Variants in EPHA6 observed in about 807,000 individuals in gnomAD.
EPHA6 encodes ephrin type-A receptor 6.
EPHA6 carries 50 observed loss-of-function variants against 112.0 expected under a neutral mutation model. That is an observed-to-expected ratio of 0.45 (90% confidence interval 0.36 to 0.56). The LOEUF (loss-of-function observed/expected upper bound fraction) is 0.56. EPHA6 is among the 20% of genes least tolerant of loss of function. EPHA6 has a pLI of 0.00. For missense variants in EPHA6, 1,280 were observed against 1,417.4 expected, an observed-to-expected ratio of 0.90 and a Z score of 1.56; for synonymous variants, 529 against 490.7, an observed-to-expected ratio of 1.08 and a Z score of -1.03.
chr3:97,491,458 CG>C (rs997034228), intron 10 of EPHA6, among the ~76,000 whole-genome samples: 1 of 151,986 alleles, frequency 6.6e-6, no homozygotes, highest in Non-Finnish European at 1.5e-5. Flanking sequence ...CAGGTACAGT[CG>C]GGGGGTCAGA....
At chr3:97,516,526 T>C (rs1272718709) in intron 10 of EPHA6, among the ~76,000 whole-genome samples, 5 of 152,190 alleles carry the variant, frequency 3.3e-5, no homozygotes, top group African/African-American at 4.8e-5. Context: ...CATTTCATCC[T>C]TGAATGACAA....
chr3:96,974,040 A>G (rs918837193), intron 2 of EPHA6, among the ~76,000 whole-genome samples: 1 of 145,754 alleles, frequency 6.9e-6, no homozygotes, highest in African/African-American at 2.5e-5. Context: ...TTATTAATAC[A>G]ATAAATATAT....
intron 10 of EPHA6, among the ~76,000 whole-genome samples, chr3:97,526,490 G>T (rs1038468627): frequency 6.8e-6 from 1 of 147,594 alleles, no homozygotes; most frequent in Non-Finnish European, 1.5e-5. Flanking sequence ...CAGTGGGGGG[G>T]TGAGAACCCC....
intron 2 of EPHA6, among the ~76,000 whole-genome samples, chr3:96,940,374 A>G (rs544738499): frequency 6.6e-6 from 1 of 152,092 alleles, no homozygotes; most frequent in East Asian, 1.9e-4. Flanking sequence ...GTCTCTTTTT[A>G]TCTTTGTTAG....
chr3:96,955,593 A>T (rs941449729), intron 2 of EPHA6, among the ~76,000 whole-genome samples: 25 of 152,190 alleles, frequency 1.6e-4, no homozygotes, highest in African/African-American at 5.5e-4. Flanking sequence ...ATGGCAAAAA[A>T]TATGTTATAA....
At chr3:97,645,411 A>C (rs1303611660) in intron 14 of EPHA6, among the ~76,000 whole-genome samples, 10 of 145,078 alleles carry the variant, frequency 6.9e-5, no homozygotes, top group African/African-American at 2.6e-4. Flanking sequence ...AAACTATCAC[A>C]AGAACAAAAA....
At chr3:97,445,428 A>AT (rs1476988645) in intron 6 of EPHA6, among the ~76,000 whole-genome samples, 2 of 152,182 alleles carry the variant, frequency 1.3e-5, no homozygotes, top group Non-Finnish European at 2.9e-5. Flanking sequence ...TGTGCAAGTA[A>AT]TAGTTCTTGG....
intron 5 of EPHA6, among the ~76,000 whole-genome samples, chr3:97,402,013 A>T (rs1409938846): frequency 6.6e-6 from 1 of 151,998 alleles, no homozygotes; most frequent in Admixed American, 6.6e-5. Context: ...TTGTGATCGG[A>T]AAAGACACTT....
At chr3:97,681,685 A>G (rs555013424) in intron 14 of EPHA6, among the ~76,000 whole-genome samples, 9 of 152,254 alleles carry the variant, frequency 5.9e-5, no homozygotes, top group African/African-American at 1.9e-4. Context: ...TGACTTAGAA[A>G]GGCTCTTTAA....
intron 6 of EPHA6, among the ~76,000 whole-genome samples, chr3:97,419,075 C>A (rs1204871590): frequency 6.6e-6 from 1 of 151,642 alleles, no homozygotes; most frequent in Admixed American, 6.6e-5. Flanking sequence ...CAAGCCAAGG[C>A]GGGCGAATCA....
At chr3:97,325,399 C>A (rs2082370025) in intron 5 of EPHA6, among the ~76,000 whole-genome samples, 1 of 152,006 alleles carries the variant, frequency 6.6e-6, no homozygotes. Flanking sequence ...TCCCTGGAGT[C>A]ACTCTGTATG....
chr3:97,211,699 G>T (rs937241314), intron 3 of EPHA6, among the ~76,000 whole-genome samples: 2 of 152,048 alleles, frequency 1.3e-5, no homozygotes, highest in African/African-American at 2.4e-5. Context: ...GGGATTTCAG[G>T]CTTCAACATC....
intron 6 of EPHA6, among the ~76,000 whole-genome samples, chr3:97,440,827 T>C (rs2090098133): frequency 6.6e-6 from 1 of 151,634 alleles, no homozygotes; most frequent in African/African-American, 2.4e-5. Context: ...ATAAACAAGC[T>C]TACCTAAAAA....
At chr3:97,677,604 C>T (rs2031503905) in intron 14 of EPHA6, among the ~76,000 whole-genome samples, 2 of 151,676 alleles carry the variant, frequency 1.3e-5, no homozygotes, top group African/African-American at 2.4e-5. Context: ...GCCTGTAATC[C>T]CAGCTATTTG....
intron 5 of EPHA6, among the ~76,000 whole-genome samples, chr3:97,317,919 A>C (rs2081923706): frequency 6.6e-6 from 1 of 151,998 alleles, no homozygotes; most frequent in Admixed American, 6.6e-5. Flanking sequence ...AAAGGGGACT[A>C]GAGGATTACA....
chr3:96,829,025 GA>G (rs1316213691), intron 1 of EPHA6, among the ~76,000 whole-genome samples: 7 of 152,184 alleles, frequency 4.6e-5, no homozygotes, highest in African/African-American at 1.7e-4. Flanking sequence ...CTAAGTTCCA[GA>G]CTCATATTTA....
intron 5 of EPHA6, among the ~76,000 whole-genome samples, chr3:97,316,613 G>A (rs527589628): frequency 1.1e-4 from 17 of 151,934 alleles, no homozygotes; most frequent in Non-Finnish European, 2.1e-4. Flanking sequence ...GAATGACCTA[G>A]CAAATTTATG....
chr3:97,541,412 T>C (rs1320876309), intron 11 of EPHA6, among the ~76,000 whole-genome samples: 2 of 152,216 alleles, frequency 1.3e-5, no homozygotes, highest in Non-Finnish European at 2.9e-5. Context: ...AGTATGGTAG[T>C]ATTAATTAGG....
rs576851902 is a variant in EPHA6, at chr3:97,687,457, A to G, written c.2785-32804A>G. 8.5e-5 allele frequency among the ~76,000 whole-genome samples: 13 copies of G among 152,224 alleles called. No homozygotes were observed. In the East Asian group the frequency reaches 1.5e-3, roughly 18 times the overall value. ...AACTGGAAGCAAGGTGTTTTTTTTC[A>G]TTGGAAATTGTCAGAGATCGTAACG... On this transcript the variant is annotated intron_variant, in intron 14 of 17. Transcript: ENST00000389672.
Sources: gnomAD v4.1 joint callset for allele counts (sites outside exome capture counted in the v4.1 genomes callset) on GRCh38, gnomAD v4.1.1 for gene constraint, MANE v1.5 for transcripts, NCBI Gene and HGNC (gene_info 2026-07-23, HGNC 2026-07-21) for gene names.